The following GATAD2A variants were observed in gnomAD, a reference collection of about 807,000 sequenced individuals.
GATAD2A encodes transcriptional repressor p66-alpha.
In GATAD2A, 12 loss-of-function variants were observed where a neutral mutation model predicts 68.5. The observed-to-expected ratio is 0.18, with a 90% CI of 0.11 to 0.28. The LOEUF (loss-of-function observed/expected upper bound fraction) is 0.28, where lower values mean the gene tolerates loss of function less well. GATAD2A is among the 10% of genes least tolerant of loss of function. GATAD2A has a pLI of 1.00. For synonymous variants in GATAD2A, 410 were observed against 375.3 expected (o/e 1.09, Z -1.07); for missense variants, 755 against 868.5 (o/e 0.87, Z 1.64).
In GATAD2A at chr19:19,492,656, G is replaced by C. The variant is rs569689643; in HGVS notation, c.478G>C (p.Val160Leu). Residue 160 changes from valine to leucine, a missense_variant, in exon 4 of 12, where the codon GTG becomes CTG. By Grantham distance (32) the Val-to-Leu change is conservative. Coordinates refer to ENST00000683918, the MANE Select transcript of GATAD2A (RefSeq NM_001384528.1). ...ATTGAGGTTAGAAGAAGCAAAACTCGTGTTGTTGAAAAAGTTGCGGCAGAG... is the reference window on the plus strand; with the variant it reads ...ATTGAGGTTAGAAGAAGCAAAACTCCTGTTGTTGAAAAAGTTGCGGCAGAG... Reference protein sequence around the residue: ...EELRLEEAKLVLLKKLRQSQI... With the variant: ...EELRLEEAKLLLLKKLRQSQI... The C allele has an allele frequency of 6.2e-7, 1 of 1,614,194 alleles. No homozygotes were observed. The highest frequency in any genetic ancestry group is 1.3e-5 in the African/African-American group (1 of 75,060).
chr19:19,492,516 A>T, intron 3 of GATAD2A, 65 bp from the exon 4 acceptor site: 10 of 1,611,344 alleles, frequency 6.2e-6, no homozygotes, highest in Non-Finnish European at 7.6e-6. Context: ...GGAGCTAGTG[A>T]TGGCAGGGCC....
intron 1 of GATAD2A, among the ~76,000 whole-genome samples, chr19:19,423,335 G>A (rs1161367621): frequency 6.6e-6 from 1 of 152,200 alleles, no homozygotes; most frequent in African/African-American, 2.4e-5. Context: ...GTATGCGGTG[G>A]CGGCTGAGAT....
intron 1 of GATAD2A, among the ~76,000 whole-genome samples, chr19:19,418,672 A>G (rs1308642357): frequency 6.6e-6 from 1 of 152,190 alleles, no homozygotes; most frequent in Non-Finnish European, 1.5e-5. Context: ...CTCTGAAACA[A>G]CCACATGAAT....
chr19:19,423,957 C>T (rs779632540), intron 1 of GATAD2A, among the ~76,000 whole-genome samples: 2 of 152,202 alleles, frequency 1.3e-5, no homozygotes, highest in Non-Finnish European at 2.9e-5. Flanking sequence ...GTGTCTTGCT[C>T]TGTCATCCTG....
At chr19:19,502,269 AGT>A in intron 10 of GATAD2A, 60 bp from the exon 11 acceptor site, 1 of 1,295,862 alleles carries the variant, frequency 7.7e-7, no homozygotes, top group East Asian at 2.3e-5. Flanking sequence ...GGCTGCGCTG[AGT>A]GTCTCGCCTG....
intron 1 of GATAD2A, among the ~76,000 whole-genome samples, chr19:19,388,861 C>T (rs1308520265): frequency 6.6e-6 from 1 of 152,030 alleles, no homozygotes; most frequent in Non-Finnish European, 1.5e-5. Context: ...CCCGAGACCC[C>T]CTGATTCAAT....
chr19:19,429,092 C>T (rs1234051826), intron 1 of GATAD2A: 4 of 571,524 alleles, frequency 7.0e-6, no homozygotes, highest in Non-Finnish European at 8.9e-6. Flanking sequence ...TGGAGGTCCC[C>T]ATTTTGTAGT....
intron 11 of GATAD2A, among the ~76,000 whole-genome samples, chr19:19,503,088 G>T (rs1247907345): frequency 2.0e-5 from 3 of 152,218 alleles, no homozygotes; most frequent in Non-Finnish European, 4.4e-5. Context: ...CCGGAGTCAG[G>T]TGCGGCCCCA....
At chr19:19,426,260 T>C (rs2053083348) in intron 1 of GATAD2A, among the ~76,000 whole-genome samples, 1 of 152,148 alleles carries the variant, frequency 6.6e-6, no homozygotes, top group Non-Finnish European at 1.5e-5. Context: ...CCAGGAAGTG[T>C]ATTTGGGATG....
intron 1 of GATAD2A, among the ~76,000 whole-genome samples, chr19:19,415,489 G>A (rs2051497089): frequency 1.3e-5 from 2 of 149,546 alleles, no homozygotes; most frequent in South Asian, 4.3e-4. Flanking sequence ...TCACTCTGTT[G>A]CCCAGGCTGG....
chr19:19,403,643 C>T (rs954939678), upstream of GATAD2A, among the ~76,000 whole-genome samples: 4 of 152,138 alleles, frequency 2.6e-5, no homozygotes, highest in Non-Finnish European at 5.9e-5. Context: ...ATATCTGTCT[C>T]AAGTGTCAGG....
intron 5 of GATAD2A, 77 bp downstream of exon 5, chr19:19,494,460 A>G (rs910281305): frequency 7.7e-6 from 7 of 911,856 alleles, no homozygotes; most frequent in Admixed American, 1.9e-5. Context: ...CGGGCTCCCA[A>G]ACAGCCCTGG....
chr19:19,461,566 A>G (rs893242264), intron 1 of GATAD2A, among the ~76,000 whole-genome samples: 1 of 152,216 alleles, frequency 6.6e-6, no homozygotes, highest in African/African-American at 2.4e-5. Flanking sequence ...ATCTGCCCTA[A>G]AGCCCATGGA....
intron 1 of GATAD2A, among the ~76,000 whole-genome samples, chr19:19,395,818 G>C (rs1410628640): frequency 6.6e-6 from 1 of 152,130 alleles, no homozygotes; most frequent in Admixed American, 6.6e-5. Context: ...AGAAACTTTA[G>C]AGCCAAAAAA....
At chr19:19,468,747 C>G (rs1401594645) in intron 2 of GATAD2A, among the ~76,000 whole-genome samples, 6 of 152,152 alleles carry the variant, frequency 3.9e-5, no homozygotes, top group Non-Finnish European at 7.3e-5. Context: ...AAGACATTGT[C>G]AGGTAAACAA....
chr19:19,500,737 A>G (rs1277768497), intron 8 of GATAD2A, among the ~76,000 whole-genome samples: 1 of 152,222 alleles, frequency 6.6e-6, no homozygotes, highest in African/African-American at 2.4e-5. Context: ...TCATCAGGAC[A>G]TGGCGCATTT....
chr19:19,463,947 C>T (rs1000215401), intron 1 of GATAD2A, among the ~76,000 whole-genome samples: 5 of 152,216 alleles, frequency 3.3e-5, no homozygotes, highest in Non-Finnish European at 7.3e-5. Context: ...GGGCCTTGCG[C>T]TATTGCTCAT....
chr19:19,495,713 G>C (rs2060105290), intron 5 of GATAD2A, 41 bp from the exon 6 acceptor site: 1 of 1,570,378 alleles, frequency 6.4e-7, no homozygotes, highest in Non-Finnish European at 8.7e-7. Context: ...AGTGTGGGGG[G>C]GTCCGGTCCA....
chr19:19,438,120 CTTGTCAG>C (rs2054579420), intron 1 of GATAD2A, among the ~76,000 whole-genome samples: 1 of 152,194 alleles, frequency 6.6e-6, no homozygotes, highest in Non-Finnish European at 1.5e-5. Context: ...AGAGTTGAGA[CTTGTCAG>C]AGCCTATTAC....
Sources: gnomAD v4.1 joint callset for allele counts (sites outside exome capture counted in the v4.1 genomes callset) on GRCh38, gnomAD v4.1.1 for gene constraint, MANE v1.5 for transcripts, NCBI Gene and HGNC (gene_info 2026-07-23, HGNC 2026-07-21) for gene names.